Variants in RAB35 observed in about 807,000 individuals in gnomAD.
RAB35 encodes RAB35, member RAS oncogene family, also known as ras-related protein Rab-35.
A neutral mutation model predicts 28.9 loss-of-function variants in RAB35; 4 were observed. The ratio of observed to expected loss-of-function variants is 0.14; its 90% CI spans 0.07 to 0.32. The LOEUF (loss-of-function observed/expected upper bound fraction) is 0.32, where lower values mean the gene tolerates loss of function less well. Ranked by LOEUF, RAB35 falls within the 10% of genes least tolerant of loss-of-function variation. The probability of loss-of-function intolerance (pLI) is 1.00; values close to 1 mark genes in which losing one functional copy is unlikely to be tolerated. For missense variants in RAB35, 128 were observed against 274.0 expected (o/e 0.47, Z 3.76); for synonymous variants, 99 against 105.1 (o/e 0.94, Z 0.35).
At position 120,103,986 on chromosome 12, in the gene RAB35, T is replaced by C; in HGVS notation, c.104-37A>G. On this transcript the variant is annotated intron_variant, in intron 2 of 5. Coordinates refer to ENST00000229340, the MANE Select transcript of RAB35 (RefSeq NM_006861.7). The surrounding 1 kb of genome is among the most constrained non-coding windows in gnomAD (Gnocchi z 6.1). ...GGGCAGTTAACGAGGCCCAGCGCGG[T>C]ATCTTCCCAGGCCCTGAGCCCCACG... 1 of 1,609,902 alleles carries C rather than the reference T, an allele frequency of 6.2e-7. No homozygotes were observed. The highest frequency in any genetic ancestry group is 8.5e-7 in the Non-Finnish European group (1 of 1,178,010).
intron 1 of RAB35, among the ~76,000 whole-genome samples, chr12:120,115,647 T>C (rs979425789): frequency 6.6e-6 from 1 of 152,338 alleles, no homozygotes; most frequent in Middle Eastern, 3.4e-3. Context: ...TATTCATTAA[T>C]TCCTTCTGCA....
intron 3 of RAB35, chr12:120,099,512 A>C: frequency 3.2e-6 from 1 of 312,790 alleles, no homozygotes; most frequent in South Asian, 4.5e-5. Flanking sequence ...TGTATTTGAC[A>C]TCATGTTATC....
At chr12:120,110,627 C>G (rs1362022380) in intron 1 of RAB35, among the ~76,000 whole-genome samples, 1 of 152,140 alleles carries the variant, frequency 6.6e-6, no homozygotes, top group African/African-American at 2.4e-5. Context: ...AAGCGGAAAA[C>G]CACTGTCGCA....
chr12:120,110,910 C>T (rs939925347), intron 1 of RAB35, among the ~76,000 whole-genome samples: 12 of 152,334 alleles, frequency 7.9e-5, no homozygotes, highest in Admixed American at 5.2e-4. Context: ...AAGGAGAGCC[C>T]GAGTCCCGGG....
Position 120,096,313 on chromosome 12 carries a change from G to T in RAB35, c.*932C>A. The T allele has an allele frequency of 4.0e-6, 3 of 752,138 alleles. No homozygotes were observed. Among genetic ancestry groups the T allele is most frequent in the South Asian group, 3.6e-5 (2 of 56,284 alleles). The allele number at this position is 752,138 out of a possible 1,614,324, so 46.6% of individuals were successfully genotyped here. On this transcript the variant is annotated 3_prime_UTR_variant, in exon 6 of 6. Transcript: ENST00000229340. Reference sequence around the variant, plus strand: ...TTTTCTAAAAACAGTGGACACAAGTGGGGTGGCCTCAACTTTTGCTGCTGT... The same window carrying T: ...TTTTCTAAAAACAGTGGACACAAGTTGGGTGGCCTCAACTTTTGCTGCTGT...
chr12:120,101,165 G>GA (rs1384211416), intron 3 of RAB35, among the ~76,000 whole-genome samples: 1 of 152,244 alleles, frequency 6.6e-6, no homozygotes, highest in Non-Finnish European at 1.5e-5. Flanking sequence ...TGGCCACCAG[G>GA]AATCACCTTC....
intron 1 of RAB35, among the ~76,000 whole-genome samples, chr12:120,111,312 ACACAGCAGTATCCC>A (rs2139061444): frequency 6.6e-6 from 1 of 152,254 alleles, no homozygotes; most frequent in African/African-American, 2.4e-5. Context: ...CTCTGCAATG[ACACAGCAGTATCCC>A]CTCCAGCTTG....
chr12:120,104,655 T>TG (rs11416731), intron 2 of RAB35, among the ~76,000 whole-genome samples: 8,677 of 150,698 alleles, frequency 0.058, 536 homozygotes, highest in African/African-American at 0.16. Context: ...TTTTTTTTGG[T>TG]GGGGGGGGGA....
rs3999541 is a variant in RAB35, at chr12:120,110,290, A to ATTTTTTTTTTTTTTTTTT, written c.53-1824_53-1823insAAAAAAAAAAAAAAAAAA. ...TCTGTTCATGGGAGAAGCCCACAGC[A>ATTTTTTTTTTTTTTTTTT]TTTTTTTTTTTTTTGGAGAGATAGG... On this transcript the variant is annotated intron_variant, in intron 1 of 5. Transcript: ENST00000229340. Among the ~76,000 whole-genome samples the ATTTTTTTTTTTTTTTTTT allele has an allele frequency of 5.6e-4, 50 of 88,580 alleles. 9 individuals are homozygous for ATTTTTTTTTTTTTTTTTT. The highest frequency in any genetic ancestry group is 1.5e-3 in the African/African-American group (30 of 20,058). The allele number at this position is 88,580 out of a possible 152,430, so 58.1% of individuals were successfully genotyped here.
Position 120,098,820 on chromosome 12 carries a change from G to A in RAB35, c.468C>T (p.Asn156=), listed in dbSNP as rs750042053. 1.4e-5 allele frequency: 23 copies of A among 1,614,082 alleles called. No individual in the cohort carries two copies. Among genetic ancestry groups the A allele is most frequent in the Middle Eastern group, 1.6e-4 (1 of 6,084 alleles). ...LFETSAKENV[N]VEEMFNCITE... is the part of the protein sequence containing the mutation. ...TGGCCCAGGGCCTCACCTCTTCCAC[G>A]TTGACATTCTCCTTGGCGCTGGTCT... The change falls in exon 5 of 6, where the codon AAC becomes AAT. Residue 156 remains asparagine, a synonymous_variant. Transcript: ENST00000229340.
chr12:120,097,506 G>C lies in RAB35; in HGVS notation c.478-133C>G, dbSNP rs190425027. The C allele has an allele frequency of 3.2e-4, 214 of 663,072 alleles. No homozygotes were observed. The African/African-American group carries it at 3.4e-3, about 11-fold the overall frequency. 41.1% of individuals were successfully genotyped at this position (663,072 alleles called of 1,614,324 possible). ...CATTTTTGGTATGTATGTCTTCAAA[G>C]CCTATTCTAGAAGGAGGTGGTGAAT... On this transcript the variant is annotated intron_variant, in intron 5 of 5. Transcript: ENST00000229340.
At chr12:120,098,292 G>T (rs1875517116) in intron 5 of RAB35, among the ~76,000 whole-genome samples, 1 of 152,394 alleles carries the variant, frequency 6.6e-6, no homozygotes, top group Non-Finnish European at 1.5e-5. Flanking sequence ...GGGGCCCAGA[G>T]AGGTGAAGTC....
At chr12:120,097,430 GCCTGCACGGCTGCCTCCCC>G in intron 5 of RAB35, 57 bp from the exon 6 acceptor site, 1 of 1,464,820 alleles carries the variant, frequency 6.8e-7, no homozygotes, top group Non-Finnish European at 9.3e-7. Context: ...GCCCCTGCTG[GCCTGCACGGCTGCCTCCCC>G]GCCTTCCGGG....
Position 120,103,847 on chromosome 12 carries a change from C to T in RAB35, c.206G>A (p.Arg69His), listed in dbSNP as rs752816549. Reference sequence around the variant, plus strand: ...TCACGTGGAGGTGATGGTGCGGAAGCGCTCCTGCCCCGCTGTGTCCCAGAT... The same window carrying T: ...TCACGTGGAGGTGATGGTGCGGAAGTGCTCCTGCCCCGCTGTGTCCCAGAT... ...LQIWDTAGQE[R>H]FRTITSTYYR... The change falls in exon 3 of 6, where the codon CGC becomes CAC. Residue 69 changes from arginine (R) to histidine (H), a missense_variant. By Grantham distance (29) the Arg-to-His change is conservative. Coordinates refer to ENST00000229340, the MANE Select transcript of RAB35 (RefSeq NM_006861.7). This position sits in a 1 kb window ranked among gnomAD's most constrained non-coding sequence, Gnocchi z 6.1. 1 of 1,613,964 alleles carries T rather than the reference C, an allele frequency of 6.2e-7. No individual in the cohort carries two copies. Among genetic ancestry groups the T allele is most frequent in the African/African-American group, 1.3e-5 (1 of 74,924 alleles).
Position 120,096,843 on chromosome 12 carries a change from C to T in RAB35, c.*402G>A, listed in dbSNP as rs1875422409. On this transcript the variant is annotated 3_prime_UTR_variant, in exon 6 of 6. Transcript: ENST00000229340. Reference sequence around the variant, plus strand: ...CGCTGTCTCCTCAGGACGCTGCTTGCAGTAAGATGGGCTGGGGAGGGGCGC... The same window carrying T: ...CGCTGTCTCCTCAGGACGCTGCTTGTAGTAAGATGGGCTGGGGAGGGGCGC... 3.9e-6 allele frequency: 5 copies of T among 1,297,286 alleles called. No homozygotes were observed. The highest frequency in any genetic ancestry group is 5.0e-6 in the Non-Finnish European group (5 of 993,856). The allele number at this position is 1,297,286 out of a possible 1,614,324, so 80.4% of individuals were successfully genotyped here.
In RAB35 at chr12:120,103,713, CGACAGCCTCAGG is replaced by C; in HGVS notation, c.227+101_227+112del. The C allele has an allele frequency of 6.8e-7, 1 of 1,478,236 alleles. No homozygotes were observed. The highest frequency in any genetic ancestry group is 9.2e-7 in the Non-Finnish European group (1 of 1,092,620). The allele number at this position is 1,478,236 out of a possible 1,614,324, so 91.6% of individuals were successfully genotyped here. A position where few individuals can be genotyped will look rare whatever the true frequency, so the allele number is the denominator to read the frequency against. On this transcript the variant is annotated intron_variant, in intron 3 of 5. Transcript: ENST00000229340. This position sits in a 1 kb window ranked among gnomAD's most constrained non-coding sequence, Gnocchi z 6.1. Reference sequence around the variant, plus strand: ...TACAGCCAACAACAGGCTCACTTCCCGACAGCCTCAGGGACCCACCAGTGACATTTCCACCAT... The same window carrying C: ...TACAGCCAACAACAGGCTCACTTCCCGACCCACCAGTGACATTTCCACCAT...
At chr12:120,116,561 G>GC in intron 1 of RAB35, 38 bp downstream of exon 1, 2 of 1,088,662 alleles carry the variant, frequency 1.8e-6, no homozygotes, top group Non-Finnish European at 2.2e-6. Context: ...GCCGCGCCCG[G>GC]CAGGGCCCGC....
chr12:120,110,981 G>T (rs570842982), intron 1 of RAB35, among the ~76,000 whole-genome samples: 1,716 of 152,360 alleles, frequency 0.011, 16 homozygotes, highest in Middle Eastern at 0.017. Flanking sequence ...CGCCTCCTCT[G>T]CTTCCTCCTG....
chr12:120,113,819 A>G (rs140534858), intron 1 of RAB35, among the ~76,000 whole-genome samples: 1 of 99,292 alleles, frequency 1.0e-5, no homozygotes, highest in Non-Finnish European at 1.8e-5. Flanking sequence ...CTCCGTCTCA[A>G]AAAAAAAAAA....
Sources: gnomAD v4.1 joint callset for allele counts (sites outside exome capture counted in the v4.1 genomes callset) on GRCh38, gnomAD v4.1.1 for gene constraint, Gnocchi (gnomAD v3.1) non-coding constraint, MANE v1.5 for transcripts, NCBI Gene and HGNC (gene_info 2026-07-23, HGNC 2026-07-21) for gene names.